Variants in GNAI3 observed in about 807,000 individuals in gnomAD.
GNAI3 encodes G protein subunit alpha i3, also known as guanine nucleotide-binding protein G(i) subunit alpha-3.
A neutral mutation model predicts 41.8 loss-of-function variants in GNAI3; 12 were observed. The observed-to-expected ratio is 0.29, with a 90% CI of 0.18 to 0.47. The LOEUF is 0.47. Among genes scored for constraint, GNAI3 ranks in the 20% least tolerant of loss-of-function variants. GNAI3 has a pLI of 1.00. For missense variants in GNAI3, 360 were observed against 429.6 expected, an observed-to-expected ratio of 0.84 and a Z score of 1.43; for synonymous variants, 132 against 146.5, an observed-to-expected ratio of 0.90 and a Z score of 0.71.
chr1:109,568,950 C>T (rs1278474586), intron 1 of GNAI3, among the ~76,000 whole-genome samples: 1 of 152,092 alleles, frequency 6.6e-6, no homozygotes, highest in Non-Finnish European at 1.5e-5. Context: ...CCTTGGCCTC[C>T]CAGAGTGATG....
Position 109,593,825 on chromosome 1 carries a change from G to A in GNAI3, c.*1503G>A, listed in dbSNP as rs975973142. ...GTCATTAAATATTGAATGCTCTATTGGGGGAAGACAAATGAAGAGAATGCA... is the reference window on the plus strand; with the variant it reads ...GTCATTAAATATTGAATGCTCTATTAGGGGAAGACAAATGAAGAGAATGCA... On this transcript the variant is annotated 3_prime_UTR_variant, in exon 9 of 9. Transcript: ENST00000369851. 1 of 152,548 alleles carries A rather than the reference G, an allele frequency of 6.6e-6. No individual in the cohort carries two copies. Among genetic ancestry groups the A allele is most frequent in the African/African-American group, 2.4e-5 (1 of 41,414 alleles). 9.4% of individuals were successfully genotyped at this position (152,548 alleles called of 1,614,324 possible). A position where few individuals can be genotyped will look rare whatever the true frequency, so the allele number is the denominator to read the frequency against.
chr1:109,591,485 A>G (rs1487640985), intron 7 of GNAI3: 104 of 1,041,202 alleles, frequency 1.0e-4, no homozygotes, highest in Non-Finnish European at 1.2e-4. Context: ...GACACTTTGT[A>G]GCAGAGTAAT....
chr1:109,575,777 G>A (rs531121031), intron 3 of GNAI3, among the ~76,000 whole-genome samples: 3 of 151,774 alleles, frequency 2.0e-5, no homozygotes, highest in Admixed American at 6.6e-5. Context: ...TGATCCGCCC[G>A]CCTCGGCCTC....
At chr1:109,561,870 T>TA (rs1648321104) in intron 1 of GNAI3, among the ~76,000 whole-genome samples, 1 of 152,158 alleles carries the variant, frequency 6.6e-6, no homozygotes, top group African/African-American at 2.4e-5. Flanking sequence ...GGATGAAAGT[T>TA]AGATAGGAAC....
At chr1:109,559,148 A>T (rs1648241903) in intron 1 of GNAI3, among the ~76,000 whole-genome samples, 1 of 151,964 alleles carries the variant, frequency 6.6e-6, no homozygotes, top group African/African-American at 2.4e-5. Flanking sequence ...ACTGCACTCC[A>T]TCCAGCCTGG....
In GNAI3 at chr1:109,594,129, T is replaced by C. The variant is rs1649237643; in HGVS notation, c.*1807T>C. 1 of 152,592 alleles carries C rather than the reference T, an allele frequency of 6.6e-6. No individual in the cohort carries two copies. The highest frequency in any genetic ancestry group is 1.5e-5 in the Non-Finnish European group (1 of 68,034). The allele number at this position is 152,592 out of a possible 1,614,324, so 9.5% of individuals were successfully genotyped here. ...GGGAAAACTTGATCTGAAAGAAAAT[T>C]ATCAGCTTCAATTGGCGATTGATTC... is the stretch of plus-strand genomic sequence containing the variant. On this transcript the variant is annotated 3_prime_UTR_variant, in exon 9 of 9. Coordinates refer to ENST00000369851, the MANE Select transcript of GNAI3 (RefSeq NM_006496.4).
intron 1 of GNAI3, among the ~76,000 whole-genome samples, chr1:109,551,411 A>G (rs1222538273): frequency 6.6e-6 from 1 of 152,188 alleles, no homozygotes; most frequent in Non-Finnish European, 1.5e-5. Flanking sequence ...TCACTATGGA[A>G]CTTAGTTTAA....
rs536494191 is a variant in GNAI3 at position 109,567,509 on chromosome 1, C to T, written c.119-6228C>T. Among the ~76,000 whole-genome samples the T allele has an allele frequency of 6.6e-5, 10 of 152,224 alleles. No homozygotes were observed. In the South Asian group the frequency reaches 1.9e-3, roughly 28 times the overall value. On this transcript the variant is annotated intron_variant, in intron 1 of 8. Coordinates refer to ENST00000369851, the MANE Select transcript of GNAI3 (RefSeq NM_006496.4). The stretch of plus-strand genomic sequence containing the variant: ...TAAGGAAGAGAATATTTTTGTTCTT[C>T]AGGATAGGGTGAAGAAAACGACTAA...
At chr1:109,569,465 C>T (rs1289542961) in intron 1 of GNAI3, among the ~76,000 whole-genome samples, 1 of 152,266 alleles carries the variant, frequency 6.6e-6, no homozygotes, top group African/African-American at 2.4e-5. Context: ...TTAGGAAGTT[C>T]TGAACACCAC....
chr1:109,573,430 T>C (rs1488429876), intron 1 of GNAI3, among the ~76,000 whole-genome samples: 2 of 152,236 alleles, frequency 1.3e-5, no homozygotes, highest in Non-Finnish European at 2.9e-5. Context: ...TCATGTTTTA[T>C]GTAGTGAATG....
At position 109,598,615 on chromosome 1, in the gene GNAI3, A is replaced by T; in HGVS notation, c.*6293A>T. 4.4e-6 allele frequency: 1 copy of T among 225,308 alleles called. No homozygotes were observed. The highest frequency in any genetic ancestry group is 1.1e-4 in the East Asian group (1 of 9,402). The allele number at this position is 225,308 out of a possible 1,614,324, so 14.0% of individuals were successfully genotyped here. A position where few individuals can be genotyped will look rare whatever the true frequency, so the allele number is the denominator to read the frequency against. On this transcript the variant is annotated 3_prime_UTR_variant, in exon 9 of 9. Coordinates refer to ENST00000369851, the MANE Select transcript of GNAI3 (RefSeq NM_006496.4). ...TACTTTGCCCATATTCATTTTGAAG[A>T]CCTGAAATGAAGTTGAACTATAAAT...
At chr1:109,557,997 A>G (rs1315092448) in intron 1 of GNAI3, among the ~76,000 whole-genome samples, 1 of 152,226 alleles carries the variant, frequency 6.6e-6, no homozygotes, top group Non-Finnish European at 1.5e-5. Context: ...TAAGTTGAAC[A>G]TAATGGAATG....
intron 3 of GNAI3, among the ~76,000 whole-genome samples, chr1:109,576,265 C>G (rs763230670): frequency 6.6e-6 from 1 of 152,036 alleles, no homozygotes; most frequent in South Asian, 2.1e-4. Context: ...GATGGGGTTT[C>G]GTCATGTTGG....
intron 1 of GNAI3, among the ~76,000 whole-genome samples, chr1:109,554,812 G>A (rs924679399): frequency 2.6e-5 from 4 of 152,086 alleles, no homozygotes; most frequent in Admixed American, 6.6e-5. Context: ...TTTTTCCAAT[G>A]TTATCTTCTA....
chr1:109,556,424 A>C (rs1160110968), intron 1 of GNAI3, among the ~76,000 whole-genome samples: 1 of 152,244 alleles, frequency 6.6e-6, no homozygotes, highest in Non-Finnish European at 1.5e-5. Context: ...TAGCTGTGCA[A>C]AAATGGAATG....
At chr1:109,584,182 G>A (rs559071009) in intron 5 of GNAI3, among the ~76,000 whole-genome samples, 2 of 152,200 alleles carry the variant, frequency 1.3e-5, no homozygotes, top group South Asian at 2.1e-4. Context: ...TAGGGTTTAC[G>A]TATTACTAGA....
intron 1 of GNAI3, among the ~76,000 whole-genome samples, chr1:109,561,648 T>C (rs901570347): frequency 1.3e-5 from 2 of 152,136 alleles, no homozygotes; most frequent in South Asian, 4.1e-4. Flanking sequence ...TCTTAAGCAG[T>C]TCAAGTAGGG....
chr1:109,577,628 G>A lies in GNAI3; in HGVS notation c.304-1576G>A, dbSNP rs183413943. Among the ~76,000 whole-genome samples the A allele has an allele frequency of 5.7e-3, 871 of 152,142 alleles. 10 individuals carry two copies. The highest frequency in any genetic ancestry group is 0.02 in the African/African-American group (813 of 41,488). Reference sequence around the variant, plus strand: ...TCTACCGCCATGCCACCCTGAATGCGCCTGATCTCAGAAGCTAAATGAGAG... The same window carrying A: ...TCTACCGCCATGCCACCCTGAATGCACCTGATCTCAGAAGCTAAATGAGAG... On this transcript the variant is annotated intron_variant, in intron 3 of 8. Transcript: ENST00000369851.
intron 1 of GNAI3, among the ~76,000 whole-genome samples, chr1:109,561,154 GA>G (rs1327014952): frequency 6.6e-6 from 1 of 152,050 alleles, no homozygotes; most frequent in Non-Finnish European, 1.5e-5. Context: ...CTTCTAAGAA[GA>G]AAAGCATATT....
Sources: allele counts gnomAD v4.1 joint callset (sites outside exome capture counted in the v4.1 genomes callset), GRCh38; gene constraint gnomAD v4.1.1; transcripts MANE v1.5; gene names NCBI Gene and HGNC (gene_info 2026-07-23, HGNC 2026-07-21).